CADPS: variants seen among roughly 807,000 people sequenced by gnomAD.
The protein encoded by CADPS is calcium dependent secretion activator, also known as calcium-dependent secretion activator 1.
CADPS carries 57 observed loss-of-function variants against 167.3 expected under a neutral mutation model. That is an observed-to-expected ratio of 0.34 (90% CI 0.28 to 0.42). The LOEUF is 0.42. CADPS is among the 20% of genes least tolerant of loss of function. The pLI is 1.00. For synonymous variants in CADPS, 676 were observed against 635.3 expected, an observed-to-expected ratio of 1.06 and a Z score of -0.96; for missense variants, 1,414 against 1,738.1, an observed-to-expected ratio of 0.81 and a Z score of 3.32.
intron 4 of CADPS, among the ~76,000 whole-genome samples, chr3:62,657,016 G>A (rs1231524163): frequency 1.3e-5 from 2 of 152,128 alleles, no homozygotes; most frequent in African/African-American, 4.8e-5. Flanking sequence ...GCAACAAGTT[G>A]AAAGAAGTTC....
At chr3:62,872,647 A>C (rs1471757892) in intron 1 of CADPS, among the ~76,000 whole-genome samples, 1 of 152,208 alleles carries the variant, frequency 6.6e-6, no homozygotes, top group Non-Finnish European at 1.5e-5. Flanking sequence ...GCATACAATC[A>C]GATCAGAAAA....
intron 9 of CADPS, 39 bp from the exon 10 acceptor site, chr3:62,557,552 G>T (rs201929849): frequency 6.7e-7 from 1 of 1,502,204 alleles, no homozygotes. Context: ...GACCCCTGGA[G>T]CCTGTCTTCT....
At chr3:62,725,848 T>A (rs2076655484) in intron 3 of CADPS, among the ~76,000 whole-genome samples, 1 of 151,736 alleles carries the variant, frequency 6.6e-6, no homozygotes, top group Non-Finnish European at 1.5e-5. Context: ...GGATCACAGT[T>A]GACACTCAGT....
chr3:62,585,152 T>C (rs771637655), intron 8 of CADPS, 33 bp downstream of exon 8: 1 of 1,608,678 alleles, frequency 6.2e-7, no homozygotes, highest in Non-Finnish European at 8.5e-7. Flanking sequence ...CAGACGTGTG[T>C]CCAAAACTGC....
At chr3:62,488,162 G>A (rs1013665931) in intron 21 of CADPS, among the ~76,000 whole-genome samples, 1 of 152,170 alleles carries the variant, frequency 6.6e-6, no homozygotes, top group Non-Finnish European at 1.5e-5. Flanking sequence ...GTTTTGGGGT[G>A]AGCTTGATGA....
At chr3:62,719,740 C>T (rs1483266543) in intron 3 of CADPS, among the ~76,000 whole-genome samples, 3 of 152,226 alleles carry the variant, frequency 2.0e-5, no homozygotes, top group African/African-American at 7.2e-5. Context: ...ATTACACCAA[C>T]TAAATGGCCG....
At position 62,875,002 on chromosome 3, in the gene CADPS, C is replaced by T; in HGVS notation, c.28G>A (p.Glu10Lys). 6.3e-7 allele frequency: 1 copy of T among 1,597,056 alleles called. No individual in the cohort carries two copies. The highest frequency in any genetic ancestry group is 8.5e-7 in the Non-Finnish European group (1 of 1,171,946). The stretch of plus-strand genomic sequence containing the variant: ...TCCTCCTCCACGATCTCATCCGATT[C>T]TTCTTCGCTGGACGAAGGGTCCAGC... MLDPSSSEE[E>K]SDEIVEEESG... The change falls in exon 1 of 30, where the codon GAA (glutamate) becomes AAA (lysine). Residue 10 changes from glutamate (E) to lysine (K), a missense_variant. Transcript: ENST00000383710.
At chr3:62,579,590 C>T (rs1387950796) in intron 8 of CADPS, among the ~76,000 whole-genome samples, 1 of 151,968 alleles carries the variant, frequency 6.6e-6, no homozygotes, top group Non-Finnish European at 1.5e-5. Context: ...TGTTGGAGAT[C>T]TGGGTGAAAG....
At chr3:62,620,072 T>G (rs1158905363) in intron 6 of CADPS, among the ~76,000 whole-genome samples, 1 of 152,036 alleles carries the variant, frequency 6.6e-6, no homozygotes, top group East Asian at 1.9e-4. Context: ...TTGGGTGCTA[T>G]TGATTTTTTT....
In CADPS at chr3:62,478,251, C is replaced by A. The variant is rs375603327; in HGVS notation, c.3329+10G>T. On this transcript the variant is annotated intron_variant, in intron 23 of 29. Transcript: ENST00000383710. This position sits in a 1 kb window ranked among gnomAD's most constrained non-coding sequence, Gnocchi z 5.7. ...GGGTGTGCAGAACCTGTCCAGCCACCTATACTTACCTTTTGACACAAGATT... is the reference window on the plus strand; with the variant it reads ...GGGTGTGCAGAACCTGTCCAGCCACATATACTTACCTTTTGACACAAGATT... 170 of 1,613,492 alleles carry A rather than the reference C, an allele frequency of 1.1e-4. No individual in the cohort carries two copies. Among genetic ancestry groups the A allele is most frequent in the Middle Eastern group, 1.7e-4 (1 of 5,808 alleles).
chr3:62,415,979 C>T (rs1405551383), intron 28 of CADPS, among the ~76,000 whole-genome samples: 1 of 150,666 alleles, frequency 6.6e-6, no homozygotes, highest in Non-Finnish European at 1.5e-5. Flanking sequence ...TTTTCTTTTT[C>T]CCTCGTCATT....
chr3:62,612,112 C>T (rs1217395117), intron 6 of CADPS, among the ~76,000 whole-genome samples: 1 of 152,170 alleles, frequency 6.6e-6, no homozygotes, highest in African/African-American at 2.4e-5. Flanking sequence ...GTTACAATGT[C>T]AGAATGACTT....
intron 3 of CADPS, among the ~76,000 whole-genome samples, chr3:62,725,672 T>C (rs889845305): frequency 6.6e-6 from 1 of 151,402 alleles, no homozygotes; most frequent in Non-Finnish European, 1.5e-5. Flanking sequence ...CATTTGCTAT[T>C]ATTATTATTT....
chr3:62,439,822 T>C (rs1051555721), intron 27 of CADPS: 25 of 152,272 alleles, frequency 1.6e-4, no homozygotes, highest in East Asian at 5.8e-4. Context: ...CCCAAAATGT[T>C]AGAAGAAACA....
At chr3:62,672,522 G>C (rs1014527410) in intron 3 of CADPS, among the ~76,000 whole-genome samples, 1 of 152,160 alleles carries the variant, frequency 6.6e-6, no homozygotes, top group African/African-American at 2.4e-5. Context: ...CCACCACTCT[G>C]TCTTGTTCTC....
chr3:62,592,711 G>A lies in CADPS; in HGVS notation c.1363C>T (p.Leu455=), dbSNP rs756852165. Residue 455 remains leucine, a synonymous_variant, in exon 7 of 30, where the codon CTG becomes TTG. Coordinates refer to ENST00000383710, the MANE Select transcript of CADPS (RefSeq NM_003716.4). ...AACAGCTTCACCTTCACAGCTGGCA[G>A]TGCATGGGTTGTGGAGAAGTCACCC... ...TQGDFSTTHA[L]PAVKVKLFTE... 6.2e-7 allele frequency: 1 copy of A among 1,614,180 alleles called. No homozygotes were observed. Among genetic ancestry groups the A allele is most frequent in the Non-Finnish European group, 8.5e-7 (1 of 1,180,002 alleles).
Position 62,741,102 on chromosome 3 carries a change from G to A in CADPS, c.888+12339C>T, listed in dbSNP as rs543713652. On this transcript the variant is annotated intron_variant, in intron 3 of 29. Transcript: ENST00000383710. ...CTATACTTCATTATTCATTAGAAAGGAACTTTCTTAAGATGTGAGAATTTG... is the reference window on the plus strand; with the variant it reads ...CTATACTTCATTATTCATTAGAAAGAAACTTTCTTAAGATGTGAGAATTTG... 1.0e-3 allele frequency among the ~76,000 whole-genome samples: 155 copies of A among 152,198 alleles called. 1 individual carries two copies. Among genetic ancestry groups the A allele is most frequent in the Non-Finnish European group, 1.6e-3 (108 of 68,002 alleles).
chr3:62,854,543 C>T (rs1178265001), intron 1 of CADPS, among the ~76,000 whole-genome samples: 3 of 152,208 alleles, frequency 2.0e-5, no homozygotes, highest in East Asian at 1.9e-4. Flanking sequence ...GAGGAAAGTA[C>T]TAATGCCTAT....
chr3:62,760,034 C>T (rs2085005124), intron 2 of CADPS, among the ~76,000 whole-genome samples: 1 of 152,080 alleles, frequency 6.6e-6, no homozygotes, highest in African/African-American at 2.4e-5. Context: ...AGATTAGGAG[C>T]AAAAGTACTT....
Sources: allele counts gnomAD v4.1 joint callset (sites outside exome capture counted in the v4.1 genomes callset), GRCh38; gene constraint gnomAD v4.1.1; non-coding constraint Gnocchi (gnomAD v3.1); transcripts MANE v1.5; gene names NCBI Gene and HGNC (gene_info 2026-07-23, HGNC 2026-07-21).